The following SOX6 variants were observed in gnomAD, a reference collection of about 807,000 sequenced individuals.
SOX6 encodes SRY-box transcription factor 6.
Under a neutral mutation model 97.8 loss-of-function variants are expected in SOX6, and 11 were observed. The observed-to-expected ratio is 0.11, with a 90% CI of 0.07 to 0.19. The LOEUF is 0.19. SOX6 is among the 10% of genes least tolerant of loss of function. The pLI is 1.00. For missense variants in SOX6, 810 were observed against 1,039.5 expected (o/e 0.78, Z 3.04); for synonymous variants, 360 against 371.4 (o/e 0.97, Z 0.35).
At chr11:15,986,771 A>C (rs1853855178) in intron 14 of SOX6, among the ~76,000 whole-genome samples, 1 of 152,218 alleles carries the variant, frequency 6.6e-6, no homozygotes, top group African/African-American at 2.4e-5. Flanking sequence ...CATACTTTTG[A>C]GCATGACAGG....
intron 4 of SOX6, among the ~76,000 whole-genome samples, chr11:16,198,710 T>A (rs1296674197): frequency 6.6e-6 from 1 of 152,176 alleles, no homozygotes; most frequent in Non-Finnish European, 1.5e-5. Context: ...AACGTAATAC[T>A]TTAAAAGATC....
rs1183052584 is a variant in SOX6, at chr11:16,601,456, C to T, written n.609+10625G>A. ...TAAAACAAATAGCTCTTAGATAAACCAAAATTTTTGTTGTACTATTCTATA... is the reference window on the plus strand; with the variant it reads ...TAAAACAAATAGCTCTTAGATAAACTAAAATTTTTGTTGTACTATTCTATA... On this transcript the variant is annotated intron_variant and non_coding_transcript_variant, in intron 4 of 5. Transcript: ENST00000524520. Among the ~76,000 whole-genome samples the T allele has an allele frequency of 7.9e-5, 12 of 152,102 alleles. No homozygotes were observed. The East Asian group carries it at 2.3e-3, about 29-fold the overall frequency.
chr11:16,061,303 C>CAAA (rs67980023), intron 9 of SOX6, among the ~76,000 whole-genome samples: 3,102 of 121,222 alleles, frequency 0.026, 92 homozygotes, highest in African/African-American at 0.086. Context: ...ACAATAGCTA[C>CAAA]AAAAAAAAAA....
At chr11:15,985,682 C>G (rs1367900479) in intron 15 of SOX6, among the ~76,000 whole-genome samples, 1 of 152,148 alleles carries the variant, frequency 6.6e-6, no homozygotes, top group South Asian at 2.1e-4. Flanking sequence ...AGAAAATACA[C>G]ATTGTTACTG....
intron 3 of SOX6, among the ~76,000 whole-genome samples, chr11:16,630,396 T>G (rs1373972794): frequency 6.6e-6 from 1 of 152,182 alleles, no homozygotes; most frequent in East Asian, 1.9e-4. Context: ...AAGTGTGTGT[T>G]TTTGAGGGAT....
chr11:16,667,850 G>T (rs893622352), intron 3 of SOX6, among the ~76,000 whole-genome samples: 3 of 152,002 alleles, frequency 2.0e-5, no homozygotes, highest in Admixed American at 1.3e-4. Flanking sequence ...ACTAAAAGAT[G>T]AACCCACCAA....
upstream of SOX6, among the ~76,000 whole-genome samples, chr11:16,480,039 T>G (rs1199563117): frequency 6.6e-6 from 1 of 152,056 alleles, no homozygotes; most frequent in Non-Finnish European, 1.5e-5. Context: ...CTATATTTAT[T>G]GACAAAAAAG....
In SOX6 at chr11:16,132,492, G is replaced by GC. The variant is rs1383167242; in HGVS notation, c.778-20570_778-20569insG. Among the ~76,000 whole-genome samples the GC allele has an allele frequency of 9.8e-4, 145 of 148,058 alleles. 2 individuals are homozygous for GC. The highest frequency in any genetic ancestry group is 1.3e-3 in the Non-Finnish European group (86 of 66,682). The stretch of plus-strand genomic sequence containing the variant: ...AGAAAGAAAGAAAGAAAGAAAGAAA[G>GC]AAAGAAAGAAAGAAAGCTTATCTTT... On this transcript the variant is annotated intron_variant, in intron 6 of 15. Transcript: ENST00000683767.
At chr11:16,332,644 A>T (rs1387556468) in intron 2 of SOX6, among the ~76,000 whole-genome samples, 1 of 152,194 alleles carries the variant, frequency 6.6e-6, no homozygotes, top group Non-Finnish European at 1.5e-5. Context: ...TTTCAACCTG[A>T]TTGTAAAATT....
At chr11:16,137,639 G>A (rs1850005156) in intron 6 of SOX6, among the ~76,000 whole-genome samples, 1 of 152,140 alleles carries the variant, frequency 6.6e-6, no homozygotes, top group African/African-American at 2.4e-5. Flanking sequence ...AAGGAATCAA[G>A]GTGAAAACTA....
chr11:16,217,629 G>A (rs1273383182), intron 4 of SOX6, among the ~76,000 whole-genome samples: 1 of 152,102 alleles, frequency 6.6e-6, no homozygotes, highest in Non-Finnish European at 1.5e-5. Flanking sequence ...TTTAAAATCA[G>A]ACTGTTTCCA....
chr11:16,395,745 A>C (rs1484892399), intron 1 of SOX6, among the ~76,000 whole-genome samples: 1 of 151,804 alleles, frequency 6.6e-6, no homozygotes, highest in Non-Finnish European at 1.5e-5. Context: ...GAATTTAAGC[A>C]TATATTATTT....
intron 4 of SOX6, among the ~76,000 whole-genome samples, chr11:16,603,959 A>G (rs1004843739): frequency 1.3e-5 from 2 of 152,232 alleles, no homozygotes; most frequent in Admixed American, 6.5e-5. Context: ...CAGGTCGGCC[A>G]AGCCCGTGCC....
At chr11:16,192,195 A>G (rs921900355) in intron 4 of SOX6, among the ~76,000 whole-genome samples, 1 of 152,214 alleles carries the variant, frequency 6.6e-6, no homozygotes, top group Non-Finnish European at 1.5e-5. Flanking sequence ...GGCATTTTAG[A>G]ACTGAATTAG....
intron 6 of SOX6, among the ~76,000 whole-genome samples, chr11:16,165,994 T>G (rs1464010942): frequency 6.6e-6 from 1 of 152,144 alleles, no homozygotes; most frequent in Non-Finnish European, 1.5e-5. Flanking sequence ...TAATAAGTAC[T>G]CAATATTAGC....
chr11:16,537,212 C>T (rs1861323950), intron 4 of SOX6, among the ~76,000 whole-genome samples: 1 of 152,184 alleles, frequency 6.6e-6, no homozygotes, highest in African/African-American at 2.4e-5. Context: ...CCGGCGAACT[C>T]CAACAGACCT....
At chr11:16,494,765 A>G (rs1377753560) in intron 4 of SOX6, among the ~76,000 whole-genome samples, 1 of 152,186 alleles carries the variant, frequency 6.6e-6, no homozygotes, top group East Asian at 1.9e-4. Flanking sequence ...GGGAAAATGG[A>G]AGTGAAAGAC....
At chr11:16,399,450 G>A (rs1297658705) in intron 1 of SOX6, among the ~76,000 whole-genome samples, 3 of 151,114 alleles carry the variant, frequency 2.0e-5, no homozygotes, top group East Asian at 3.9e-4. Flanking sequence ...AACCTTGAAC[G>A]CCTAAACTCA....
At chr11:16,355,828 T>C (rs1194810621) in intron 1 of SOX6, among the ~76,000 whole-genome samples, 1 of 151,980 alleles carries the variant, frequency 6.6e-6, no homozygotes, top group South Asian at 2.1e-4. Context: ...ATGTTAAAAA[T>C]CTACGAGATG....
Sources: gnomAD v4.1 joint callset for allele counts (sites outside exome capture counted in the v4.1 genomes callset) on GRCh38, gnomAD v4.1.1 for gene constraint, MANE v1.5 for transcripts, NCBI Gene and HGNC (gene_info 2026-07-23, HGNC 2026-07-21) for gene names.